CTNNA3: variants seen among roughly 807,000 people sequenced by gnomAD.
CTNNA3 encodes catenin alpha 3, also known as catenin alpha-3.
Under a neutral mutation model 95.7 loss-of-function variants are expected in CTNNA3, and 76 were observed. That is an observed-to-expected ratio of 0.79 (90% CI 0.66 to 0.96). The LOEUF (loss-of-function observed/expected upper bound fraction) is 0.96. CTNNA3 is among the 40% of genes least tolerant of loss of function. The probability of loss-of-function intolerance (pLI) is 0.00; values close to 1 mark genes in which losing one functional copy is unlikely to be tolerated. For missense variants in CTNNA3, 1,191 were observed against 1,089.8 expected, an observed-to-expected ratio of 1.09 and a Z score of -1.31; for synonymous variants, 431 against 374.4, an observed-to-expected ratio of 1.15 and a Z score of -1.74.
intron 11 of CTNNA3, among the ~76,000 whole-genome samples, chr10:66,498,593 T>C (rs1483099860): frequency 6.6e-6 from 1 of 152,174 alleles, no homozygotes. Flanking sequence ...TTCAGTGAAT[T>C]ACAAAATGAA....
At chr10:67,231,389 T>A (rs1314920820) in intron 5 of CTNNA3, among the ~76,000 whole-genome samples, 1 of 152,196 alleles carries the variant, frequency 6.6e-6, no homozygotes, top group Non-Finnish European at 1.5e-5. Context: ...GCAGCCTAAC[T>A]GGGAGGCAAC....
At chr10:66,134,944 A>G (rs1397488017) in intron 13 of CTNNA3, among the ~76,000 whole-genome samples, 2 of 152,152 alleles carry the variant, frequency 1.3e-5, no homozygotes, top group South Asian at 2.1e-4. Context: ...TGAACTTTAC[A>G]TGGTAATGGT....
At chr10:66,496,571 T>C (rs1840106768) in intron 11 of CTNNA3, among the ~76,000 whole-genome samples, 1 of 152,172 alleles carries the variant, frequency 6.6e-6, no homozygotes, top group Non-Finnish European at 1.5e-5. Flanking sequence ...AATAAAGAAG[T>C]AATGATGGGA....
At chr10:66,355,427 T>C (rs1424201817) in intron 12 of CTNNA3, among the ~76,000 whole-genome samples, 1 of 152,106 alleles carries the variant, frequency 6.6e-6, no homozygotes, top group Non-Finnish European at 1.5e-5. Flanking sequence ...GTACCTTCGA[T>C]ACATTATAAA....
chr10:66,367,873 TAA>T (rs3053760), intron 12 of CTNNA3, among the ~76,000 whole-genome samples: 55 of 19,198 alleles, frequency 2.9e-3, no homozygotes, highest in African/African-American at 7.3e-3. Flanking sequence ...ATAATAATAA[TAA>T]TAATAATTAT....
chr10:66,804,088 T>C (rs574114210), intron 7 of CTNNA3, among the ~76,000 whole-genome samples: 4 of 152,092 alleles, frequency 2.6e-5, no homozygotes, highest in Admixed American at 2.6e-4. Flanking sequence ...GTGTCTAGTT[T>C]ATTGTTTTTC....
chr10:67,431,483 C>T (rs1028796731), intron 5 of CTNNA3, among the ~76,000 whole-genome samples: 1 of 151,924 alleles, frequency 6.6e-6, no homozygotes, highest in Non-Finnish European at 1.5e-5. Flanking sequence ...TACAGATGAG[C>T]AAGCAGTTCT....
chr10:66,144,674 G>C (rs536530274), intron 13 of CTNNA3, among the ~76,000 whole-genome samples: 1 of 152,190 alleles, frequency 6.6e-6, no homozygotes, highest in East Asian at 1.9e-4. Context: ...TTTTAGTAGA[G>C]ACGGGGTTTC....
intron 9 of CTNNA3, among the ~76,000 whole-genome samples, chr10:66,644,438 C>T (rs1845630174): frequency 6.9e-6 from 1 of 144,236 alleles, no homozygotes; most frequent in South Asian, 2.2e-4. Context: ...ATCCAAACCC[C>T]CAGATCCCCC....
chr10:66,525,186 G>C (rs1841209871), intron 10 of CTNNA3, among the ~76,000 whole-genome samples: 2 of 148,900 alleles, frequency 1.3e-5, no homozygotes, highest in South Asian at 2.2e-4. Flanking sequence ...AACATCAACA[G>C]AGAGAAAATG....
intron 13 of CTNNA3, among the ~76,000 whole-genome samples, chr10:66,254,034 T>C (rs553440189): frequency 1.3e-5 from 2 of 152,304 alleles, no homozygotes; most frequent in Non-Finnish European, 2.9e-5. Context: ...TGGAAGAGGA[T>C]GTGGAGCCTC....
chr10:66,926,725 C>T (rs1048600724), intron 7 of CTNNA3: 7 of 1,104,226 alleles, frequency 6.3e-6, no homozygotes, highest in African/African-American at 4.8e-5. Flanking sequence ...TGCTTAGTGG[C>T]ATGTTTCCTT....
At chr10:67,495,700 C>G (rs975315841) in intron 5 of CTNNA3, among the ~76,000 whole-genome samples, 1 of 152,118 alleles carries the variant, frequency 6.6e-6, no homozygotes, top group Non-Finnish European at 1.5e-5. Flanking sequence ...GTCTCTCATT[C>G]CAAAATATCA....
chr10:67,381,147 C>T (rs1366816815), intron 5 of CTNNA3, among the ~76,000 whole-genome samples: 2 of 152,072 alleles, frequency 1.3e-5, no homozygotes. Context: ...ATTTTAAGTA[C>T]ACAAATCAAT....
intron 12 of CTNNA3, among the ~76,000 whole-genome samples, chr10:66,354,563 A>C (rs2132402230): frequency 6.6e-6 from 1 of 152,248 alleles, no homozygotes; most frequent in African/African-American, 2.4e-5. Context: ...CAAAATATTT[A>C]GAAGTAGTTG....
At chr10:66,026,262 TATA>T (rs1467670707) in intron 15 of CTNNA3, among the ~76,000 whole-genome samples, 1 of 152,166 alleles carries the variant, frequency 6.6e-6, no homozygotes, top group African/African-American at 2.4e-5. Flanking sequence ...TGCCAGTCAT[TATA>T]ATAATTCCCA....
chr10:67,735,911 T>C (rs1221213767), intron 1 of CTNNA3, among the ~76,000 whole-genome samples: 1 of 152,160 alleles, frequency 6.6e-6, no homozygotes, highest in African/African-American at 2.4e-5. Context: ...AATCCAATGA[T>C]TAATGGATAA....
intron 7 of CTNNA3, among the ~76,000 whole-genome samples, chr10:66,808,623 A>T (rs1195105926): frequency 2.6e-5 from 4 of 152,192 alleles, no homozygotes; most frequent in Non-Finnish European, 4.4e-5. Context: ...ACAATTCATA[A>T]GTTTTAAATT....
At chr10:66,745,586 C>T in intron 9 of CTNNA3, among the ~76,000 whole-genome samples, 1 of 117,572 alleles carries the variant, frequency 8.5e-6, no homozygotes, top group East Asian at 2.7e-4. Flanking sequence ...ATGCAGACAG[C>T]CTTTTTTTTT....
Sources: allele counts gnomAD v4.1 joint callset (sites outside exome capture counted in the v4.1 genomes callset), GRCh38; gene constraint gnomAD v4.1.1; transcripts MANE v1.5; gene names NCBI Gene and HGNC (gene_info 2026-07-23, HGNC 2026-07-21).